CAMK2B: variants seen among roughly 807,000 people sequenced by gnomAD.
CAMK2B encodes calcium/calmodulin dependent protein kinase II beta.
In CAMK2B, 27 loss-of-function variants were observed where a neutral mutation model predicts 93.7. That is an observed-to-expected ratio of 0.29 (90% confidence interval 0.21 to 0.40). The LOEUF (loss-of-function observed/expected upper bound fraction) is 0.40. CAMK2B is among the 10% of genes least tolerant of loss of function. The pLI is 1.00. For synonymous variants in CAMK2B, 374 were observed against 358.8 expected (o/e 1.04, Z -0.48); for missense variants, 568 against 895.8 (o/e 0.63, Z 4.67).
At chr7:44,226,047 C>T in intron 20 of CAMK2B, 1 of 500,380 alleles carries the variant, frequency 2.0e-6, no homozygotes, top group South Asian at 1.9e-5. Context: ...CCTCCCGATC[C>T]CCACCTGCTC....
At position 44,299,262 on chromosome 7, in the gene CAMK2B, G is replaced by A. The variant is rs902467381; in HGVS notation, c.66-15037C>T. 9.8e-5 allele frequency among the ~76,000 whole-genome samples: 15 copies of A among 152,304 alleles called. No individual in the cohort carries two copies. The East Asian group carries it at 1.2e-3, about 12-fold the overall frequency. The stretch of plus-strand genomic sequence containing the variant: ...CATAGACATATCTTGAGGACATTAC[G>A]CTAAGTGAAATAAGCCAGTCACAAA... On this transcript the variant is annotated intron_variant, in intron 1 of 23. Coordinates refer to ENST00000395749, the MANE Select transcript of CAMK2B (RefSeq NM_001220.5).
chr7:44,297,396 C>G (rs1315939443), intron 1 of CAMK2B, among the ~76,000 whole-genome samples: 4 of 151,692 alleles, frequency 2.6e-5, no homozygotes, highest in African/African-American at 4.8e-5. Flanking sequence ...AATTAAACCA[C>G]AGAAAGCAGA....
At chr7:44,259,064 G>T in intron 3 of CAMK2B, 138 bp from the exon 4 acceptor site, 1 of 779,876 alleles carries the variant, frequency 1.3e-6, no homozygotes, top group Non-Finnish European at 2.2e-6. Flanking sequence ...TAGGGCCCGG[G>T]TGGGCAGGCC....
intron 17 of CAMK2B, among the ~76,000 whole-genome samples, chr7:44,230,638 C>G (rs559521406): frequency 6.6e-6 from 1 of 152,348 alleles, no homozygotes; most frequent in Non-Finnish European, 1.5e-5. Context: ...GCATGCTGGA[C>G]AGAAACGCAA....
At chr7:44,239,073 C>T (rs1165313644) in intron 13 of CAMK2B, among the ~76,000 whole-genome samples, 1 of 152,226 alleles carries the variant, frequency 6.6e-6, no homozygotes, top group African/African-American at 2.4e-5. Context: ...AAACCCTCAC[C>T]CACTCCAGAG....
chr7:44,287,037 A>G (rs2129121464), intron 1 of CAMK2B, among the ~76,000 whole-genome samples: 1 of 152,180 alleles, frequency 6.6e-6, no homozygotes, highest in East Asian at 1.9e-4. Flanking sequence ...GGTAGGGTGG[A>G]GGGCACCCTC....
chr7:44,289,276 G>A (rs1241242157), intron 1 of CAMK2B, among the ~76,000 whole-genome samples: 5 of 152,096 alleles, frequency 3.3e-5, no homozygotes, highest in Non-Finnish European at 5.9e-5. Context: ...TGCGGCCCTC[G>A]CCAGCTGCCC....
In CAMK2B at chr7:44,228,920, G is replaced by A; in HGVS notation, c.1344C>T (p.Pro448=). The change falls in exon 19 of 24, where the codon CCC becomes CCT. Residue 448 remains proline, a synonymous_variant. Transcript: ENST00000395749. ...CAGAGTTCAGGATGTCAGAGATCCT[G>A]GGGGCTGGGGTGGAACAGATGAGAC... ...APFSPLPAPS[P]RISDILNSVR... is the part of the protein sequence containing the mutation. 6.2e-7 allele frequency: 1 copy of A among 1,608,076 alleles called. No homozygotes were observed. Among genetic ancestry groups the A allele is most frequent in the African/African-American group, 1.3e-5 (1 of 74,828 alleles).
chr7:44,240,305 C>T (rs1208718074), intron 12 of CAMK2B, among the ~76,000 whole-genome samples: 3 of 152,234 alleles, frequency 2.0e-5, no homozygotes, highest in Non-Finnish European at 4.4e-5. Context: ...CCCCGAGCCT[C>T]CCGCATCACC....
At chr7:44,243,201 C>T (rs1187583709) in intron 8 of CAMK2B, 49 bp downstream of exon 8, 2 of 1,419,604 alleles carry the variant, frequency 1.4e-6, no homozygotes, top group Admixed American at 1.7e-5. Flanking sequence ...GGTGGGAAGT[C>T]CTGAAACACC....
chr7:44,241,845 G>A, intron 10 of CAMK2B, 62 bp from the exon 11 acceptor site: 1 of 1,403,468 alleles, frequency 7.1e-7, no homozygotes, highest in Non-Finnish European at 1.0e-6. Flanking sequence ...AGGCCAGGGT[G>A]GCAAGGCTTG....
In CAMK2B at chr7:44,247,198, G is replaced by A. The variant is rs375364904; in HGVS notation, c.342-6C>T. On this transcript the variant is annotated splice_polypyrimidine_tract_variant and splice_region_variant and intron_variant, in intron 5 of 23. Coordinates refer to ENST00000395749, the MANE Select transcript of CAMK2B (RefSeq NM_001220.5). ...GGATCTGCTGGATACAGTGACTGTG[G>A]CAAACAGCAGGTGGGTTAGTGCGAG... is the stretch of plus-strand genomic sequence containing the variant. 2.0e-4 allele frequency: 318 copies of A among 1,613,736 alleles called. No homozygotes were observed. The highest frequency in any genetic ancestry group is 2.6e-4 in the Non-Finnish European group (301 of 1,179,788).
At chr7:44,325,327 G>A in intron 1 of CAMK2B, 30 bp downstream of exon 1, 1 of 1,205,656 alleles carries the variant, frequency 8.3e-7, no homozygotes, top group Non-Finnish European at 1.1e-6. Flanking sequence ...TGGGGTCCCC[G>A]GCCCAGCCCG....
chr7:44,245,030 T>TCAGGGGCTGCA (rs1466145439), intron 6 of CAMK2B: 1 of 454,094 alleles, frequency 2.2e-6, no homozygotes, highest in African/African-American at 2.0e-5. Flanking sequence ...ATGGAGAAGT[T>TCAGGGGCTGCA]GGACAGAGGA....
chr7:44,319,125 G>A (rs1012138307), intron 1 of CAMK2B, among the ~76,000 whole-genome samples: 8 of 152,192 alleles, frequency 5.3e-5, no homozygotes, highest in Non-Finnish European at 1.5e-5. Flanking sequence ...GTGACTTGCA[G>A]CTGTAAAAGA....
At chr7:44,287,422 G>C (rs770148581) in intron 1 of CAMK2B, among the ~76,000 whole-genome samples, 2 of 152,164 alleles carry the variant, frequency 1.3e-5, no homozygotes, top group Non-Finnish European at 2.9e-5. Flanking sequence ...ATCTCCCCGG[G>C]GAACTTGGGC....
At chr7:44,239,333 C>T (rs2096654331) in intron 13 of CAMK2B, among the ~76,000 whole-genome samples, 1 of 152,220 alleles carries the variant, frequency 6.6e-6, no homozygotes, top group Non-Finnish European at 1.5e-5. Context: ...GGGGCCAGGA[C>T]CAGAAGGGCT....
intron 11 of CAMK2B, 110 bp from the exon 12 acceptor site, chr7:44,240,859 T>A: frequency 8.5e-7 from 1 of 1,169,806 alleles, no homozygotes; most frequent in Non-Finnish European, 1.2e-6. Flanking sequence ...CTCATTGTCA[T>A]GAGGCTGACA....
chr7:44,231,079 G>A, intron 16 of CAMK2B, 25 bp from the exon 17 acceptor site: 2 of 1,546,088 alleles, frequency 1.3e-6, no homozygotes, highest in Non-Finnish European at 1.7e-6. Flanking sequence ...GAGGCAGCGG[G>A]TCAGGATGCG....
Sources: allele counts gnomAD v4.1 joint callset (sites outside exome capture counted in the v4.1 genomes callset), GRCh38; gene constraint gnomAD v4.1.1; transcripts MANE v1.5; gene names NCBI Gene and HGNC (gene_info 2026-07-23, HGNC 2026-07-21).